The following SARM1 variants were observed in gnomAD, a reference collection of about 807,000 sequenced individuals.
SARM1 encodes the protein sterile alpha and TIR motif containing 1.
SARM1 carries 60 observed loss-of-function variants against 65.1 expected under a neutral mutation model. That is an observed-to-expected ratio of 0.92 (90% CI 0.75 to 1.14). SARM1 has a LOEUF of 1.14. Among genes scored for constraint, SARM1 ranks in the 50% most tolerant of loss-of-function variants. SARM1 has a pLI of 0.00. For missense variants in SARM1, 913 were observed against 1,015.7 expected (o/e 0.90, Z 1.37); for synonymous variants, 417 against 465.4 (o/e 0.90, Z 1.34).
chr17:28,372,048 CT>C lies in SARM1; in HGVS notation c.18del (p.Leu7SerfsTer73). ...CCCCGCGCCCATGGTCCTGACGCTG[CT>C]TCTCTCCGCCTACAAGCTGTGTCGC... The part of the protein sequence containing the change: MVLTL[L>X]LSAYKLCRFF... On this transcript the variant is annotated frameshift_variant, in exon 1 of 9. Coordinates refer to ENST00000585482, the MANE Select transcript of SARM1 (RefSeq NM_015077.4). LOFTEE classifies it high-confidence loss of function. This position sits in a 1 kb window ranked among gnomAD's most constrained non-coding sequence, Gnocchi z 5.2. The C allele has an allele frequency of 6.6e-7, 1 of 1,506,818 alleles. No homozygotes were observed. The highest frequency in any genetic ancestry group is 2.0e-5 in the Admixed American group (1 of 49,102). The allele number at this position is 1,506,818 out of a possible 1,614,324, so 93.3% of individuals were successfully genotyped here.
chr17:28,371,837 G>T lies in SARM1; in HGVS notation c.-196G>T. 1 of 458,318 alleles carries T rather than the reference G, an allele frequency of 2.2e-6. No individual in the cohort carries two copies. The highest frequency in any genetic ancestry group is 3.8e-6 in the Non-Finnish European group (1 of 260,402). The allele number at this position is 458,318 out of a possible 1,614,324, so 28.4% of individuals were successfully genotyped here. A position where few individuals can be genotyped will look rare whatever the true frequency, so the allele number is the denominator to read the frequency against. ...CTGCATCTGGGCCTGCATCACCTTTGCCAACCGCTCCCCCGATCCTGCCGA... is the reference window on the plus strand; with the variant it reads ...CTGCATCTGGGCCTGCATCACCTTTTCCAACCGCTCCCCCGATCCTGCCGA... On this transcript the variant is annotated 5_prime_UTR_variant, in exon 1 of 9. Transcript: ENST00000585482.
At chr17:28,395,859 C>T (rs782020258) in intron 7 of SARM1, 46 bp from the exon 8 acceptor site, 3 of 1,608,378 alleles carry the variant, frequency 1.9e-6, no homozygotes, top group South Asian at 2.2e-5. Flanking sequence ...ACAAGGGTCC[C>T]TAGATGGGTA....
Position 28,401,629 on chromosome 17 carries a change from G to A in SARM1, c.*5343G>A, listed in dbSNP as rs951518122. ...CCAACAGAAGTTGAGATTAAATTCT[G>A]TCACATCTAGAGGGGTCTGTGATGT... On this transcript the variant is annotated 3_prime_UTR_variant, in exon 9 of 9. Coordinates refer to ENST00000585482, the MANE Select transcript of SARM1 (RefSeq NM_015077.4). The A allele has an allele frequency of 2.6e-5, 4 of 152,262 alleles. No homozygotes were observed. The highest frequency in any genetic ancestry group is 6.5e-5 in the Admixed American group (1 of 15,282). The allele number at this position is 152,262 out of a possible 1,614,324, so 9.4% of individuals were successfully genotyped here.
At chr17:28,380,634 G>C (rs1018434236) in intron 1 of SARM1, among the ~76,000 whole-genome samples, 7 of 152,190 alleles carry the variant, frequency 4.6e-5, no homozygotes, top group South Asian at 2.1e-4. Context: ...GATATGCCCC[G>C]GTCATGGGCC....
At chr17:28,391,727 A>AGAG (rs1555586922) in intron 7 of SARM1, among the ~76,000 whole-genome samples, 9 of 117,046 alleles carry the variant, frequency 7.7e-5, no homozygotes, top group East Asian at 5.0e-4. Flanking sequence ...AAAAAAAAAA[A>AGAG]AGAGAGAGAG....
chr17:28,390,266 T>C (rs2068073549), intron 7 of SARM1, among the ~76,000 whole-genome samples: 7 of 152,190 alleles, frequency 4.6e-5, no homozygotes, highest in Admixed American at 3.9e-4. Flanking sequence ...TAGGTTAAGA[T>C]AAAGGGTTGT....
rs1202892430 is a variant in SARM1 at position 28,372,627 on chromosome 17, C to CT, written c.470+126dup. On this transcript the variant is annotated intron_variant, in intron 1 of 8. Transcript: ENST00000585482. This position sits in a 1 kb window ranked among gnomAD's most constrained non-coding sequence, Gnocchi z 5.2. ...CTCTCTGACTGCCTGCACTACATCT[C>CT]TGTTAGGGGTCAGCCTGTCTGTTTC... 1.8e-5 allele frequency: 12 copies of CT among 681,680 alleles called. No individual in the cohort carries two copies. The highest frequency in any genetic ancestry group is 2.6e-5 in the Non-Finnish European group (11 of 428,248). 42.2% of individuals were successfully genotyped at this position (681,680 alleles called of 1,614,324 possible). A position where few individuals can be genotyped will look rare whatever the true frequency, so the allele number is the denominator to read the frequency against.
rs1454624203 is a variant in SARM1 at position 28,400,187 on chromosome 17, G to A, written c.*3901G>A. 15 of 240,190 alleles carry A rather than the reference G, an allele frequency of 6.2e-5. No individual in the cohort carries two copies. Among genetic ancestry groups the A allele is most frequent in the East Asian group, 1.0e-4 (1 of 9,734 alleles). 14.9% of individuals were successfully genotyped at this position (240,190 alleles called of 1,614,324 possible). A position where few individuals can be genotyped will look rare whatever the true frequency, so the allele number is the denominator to read the frequency against. On this transcript the variant is annotated 3_prime_UTR_variant, in exon 9 of 9. Transcript: ENST00000585482. Reference sequence around the variant, plus strand: ...CGGGATTACAGGCAAGAGCCTCCACGCCCGGCCATGAAATATAATTCTTAA... The same window carrying A: ...CGGGATTACAGGCAAGAGCCTCCACACCCGGCCATGAAATATAATTCTTAA...
In SARM1 at chr17:28,372,568, C is replaced by A; in HGVS notation, c.470+66C>A. On this transcript the variant is annotated intron_variant, in intron 1 of 8. Coordinates refer to ENST00000585482, the MANE Select transcript of SARM1 (RefSeq NM_015077.4). This position sits in a 1 kb window ranked among gnomAD's most constrained non-coding sequence, Gnocchi z 5.2. ...GTGGACAGTTAAGCGCCTGCGTTCC[C>A]GTGTGCCTTGCGCCGTGCCTTTGCC... 3 of 1,309,636 alleles carry A rather than the reference C, an allele frequency of 2.3e-6. No individual in the cohort carries two copies. The highest frequency in any genetic ancestry group is 2.0e-6 in the Non-Finnish European group (2 of 975,786). 81.1% of individuals were successfully genotyped at this position (1,309,636 alleles called of 1,614,324 possible).
At chr17:28,388,771 T>TG (rs1184517658) in intron 7 of SARM1, among the ~76,000 whole-genome samples, 4 of 151,098 alleles carry the variant, frequency 2.6e-5, no homozygotes, top group Admixed American at 1.3e-4. Flanking sequence ...TTTTTCTTTT[T>TG]TTTTTTTTTT....
chr17:28,392,778 C>T (rs555117754), intron 7 of SARM1, among the ~76,000 whole-genome samples: 1 of 152,316 alleles, frequency 6.6e-6, no homozygotes, highest in South Asian at 2.1e-4. Flanking sequence ...GGCTCCACTT[C>T]CCAAGAATGC....
In SARM1 at chr17:28,388,284, G is replaced by A; in HGVS notation, c.1733+8G>A. The A allele has an allele frequency of 6.4e-7, 1 of 1,560,938 alleles. No homozygotes were observed. Among genetic ancestry groups the A allele is most frequent in the East Asian group, 2.4e-5 (1 of 41,678 alleles). On this transcript the variant is annotated splice_region_variant and intron_variant, in intron 6 of 8. Coordinates refer to ENST00000585482, the MANE Select transcript of SARM1 (RefSeq NM_015077.4). The stretch of plus-strand genomic sequence containing the variant: ...AGGTTCCCAGCTGGCCAGGTGAGGA[G>A]GGGCGGGCGGGCAGCGACGGGGCGT...
In SARM1 at chr17:28,402,166, T is replaced by A; in HGVS notation, c.*5880T>A. On this transcript the variant is annotated 3_prime_UTR_variant, in exon 9 of 9. Coordinates refer to ENST00000585482, the MANE Select transcript of SARM1 (RefSeq NM_015077.4). ...GGAAGGCAAGCTGTTCCCCCAGCCA[T>A]GGCTGCCCATCAGCCCGTTTCGGGC... is the stretch of plus-strand genomic sequence containing the variant. 1 of 1,325,988 alleles carries A rather than the reference T, an allele frequency of 7.5e-7. No homozygotes were observed. Among genetic ancestry groups the A allele is most frequent in the Non-Finnish European group, 1.0e-6 (1 of 956,260 alleles). The allele number at this position is 1,325,988 out of a possible 1,614,324, so 82.1% of individuals were successfully genotyped here.
Position 28,385,048 on chromosome 17 carries a change from GGGAGCTCAC to G in SARM1, c.1412_1420del (p.Thr471_Leu473del). The stretch of plus-strand genomic sequence containing the variant: ...TCCTCCGTGGGGTGCAGGTTCTTTA[GGGAGCTCAC>G]GGAGCTCAAGACCTTCGCCAACTAT... On this transcript the variant is annotated inframe_deletion, in exon 5 of 9. Transcript: ENST00000585482. This position sits in a 1 kb window ranked among gnomAD's most constrained non-coding sequence, Gnocchi z 4.5. The G allele has an allele frequency of 1.9e-6, 3 of 1,613,272 alleles. No individual in the cohort carries two copies. The highest frequency in any genetic ancestry group is 2.5e-6 in the Non-Finnish European group (3 of 1,179,400).
rs782315677 is a variant in SARM1, at chr17:28,372,740, G to A, written c.470+238G>A. ...AAGATTTGCTCCCAGGGCTAGTGGG[G>A]TGAGGAATGGAGTTACAGGACAGGA... On this transcript the variant is annotated intron_variant, in intron 1 of 8. Transcript: ENST00000585482. This position sits in a 1 kb window ranked among gnomAD's most constrained non-coding sequence, Gnocchi z 5.2. Among the ~76,000 whole-genome samples, 12 of 152,226 alleles carry A rather than the reference G, an allele frequency of 7.9e-5. No individual in the cohort carries two copies. Among genetic ancestry groups the A allele is most frequent in the African/African-American group, 1.4e-4 (6 of 41,460 alleles).
rs781844965 is a variant in SARM1, at chr17:28,399,726, A to G, written c.*3440A>G. The G allele has an allele frequency of 1.2e-6, 2 of 1,613,670 alleles. No individual in the cohort carries two copies. Among genetic ancestry groups the G allele is most frequent in the Non-Finnish European group, 1.7e-6 (2 of 1,179,646 alleles). On this transcript the variant is annotated 3_prime_UTR_variant, in exon 9 of 9. Coordinates refer to ENST00000585482, the MANE Select transcript of SARM1 (RefSeq NM_015077.4). ...CTTTTCCAGCATCCTGTGAGAGACC[A>G]GAGAGAGAGTTTGGATTTCATGTGG...
Position 28,381,207 on chromosome 17 carries a change from C to T in SARM1, c.475C>T (p.Arg159Cys). 6.3e-7 allele frequency: 1 copy of T among 1,594,562 alleles called. No homozygotes were observed. The highest frequency in any genetic ancestry group is 8.5e-7 in the Non-Finnish European group (1 of 1,170,924). ...EQILVAENRD[R>C]VARIGLGVIL... ...CCTTCCACTTTCACTGGGCAGAGAC[C>T]GCGTGGCGCGCATTGGGCTGGGCGT... is the stretch of plus-strand genomic sequence containing the variant. The change falls in exon 2 of 9, where the codon CGC becomes TGC. Residue 159 changes from arginine to cysteine, a missense_variant. This residue lies in a region of SARM1 where 862 missense variants were observed against 952.1 expected (regional missense o/e 0.91). Transcript: ENST00000585482.
rs1555589064 is a variant in SARM1, at chr17:28,399,643, T to C, written c.*3357T>C. 1 of 1,613,974 alleles carries C rather than the reference T, an allele frequency of 6.2e-7. No individual in the cohort carries two copies. Among genetic ancestry groups the C allele is most frequent in the South Asian group, 1.1e-5 (1 of 91,076 alleles). On this transcript the variant is annotated 3_prime_UTR_variant, in exon 9 of 9. Transcript: ENST00000585482. ...TTTGCTCCTCTTGCCCTCTGTCTTCTGGTCCAGGCAGATCAGGGGCTCTGG... is the reference window on the plus strand; with the variant it reads ...TTTGCTCCTCTTGCCCTCTGTCTTCCGGTCCAGGCAGATCAGGGGCTCTGG...
chr17:28,384,314 A>G lies in SARM1; in HGVS notation c.1090-43A>G. 1 of 1,480,546 alleles carries G rather than the reference A, an allele frequency of 6.8e-7. No individual in the cohort carries two copies. The allele number at this position is 1,480,546 out of a possible 1,614,324, so 91.7% of individuals were successfully genotyped here. A position where few individuals can be genotyped will look rare whatever the true frequency, so the allele number is the denominator to read the frequency against. On this transcript the variant is annotated intron_variant, in intron 2 of 8. Coordinates refer to ENST00000585482, the MANE Select transcript of SARM1 (RefSeq NM_015077.4). This position sits in a 1 kb window ranked among gnomAD's most constrained non-coding sequence, Gnocchi z 4.4. ...ACTGGGCACGTGTGGGAGCACCTGG[A>G]GAGCTGGTGGGACCTACAGCCCTCT...
Sources: allele counts gnomAD v4.1 joint callset (sites outside exome capture counted in the v4.1 genomes callset), GRCh38; gene constraint gnomAD v4.1.1; regional missense constraint gnomAD v4.1.1; non-coding constraint Gnocchi (gnomAD v3.1); transcripts MANE v1.5; gene names NCBI Gene and HGNC (gene_info 2026-07-23, HGNC 2026-07-21).